SEC14L6: variants seen among roughly 807,000 people sequenced by gnomAD.
SEC14L6 encodes SEC14 like lipid binding 6, also known as SEC14-like protein 6.
A neutral mutation model predicts 54.1 loss-of-function variants in SEC14L6; 40 were observed. That is an observed-to-expected ratio of 0.74 (90% CI 0.57 to 0.96). SEC14L6 has a LOEUF of 0.96. SEC14L6 is among the 40% of genes least tolerant of loss of function. The pLI, the probability that SEC14L6 is intolerant of heterozygous loss-of-function variation, is 0.00. For synonymous variants in SEC14L6, 171 were observed against 198.4 expected (o/e 0.86, Z 1.16); for missense variants, 471 against 498.3 (o/e 0.95, Z 0.52).
At chr22:30,543,440 G>A in intron 1 of SEC14L6, 1 of 1,611,218 alleles carries the variant, frequency 6.2e-7, no homozygotes, top group Admixed American at 1.7e-5. Flanking sequence ...TTGGAGAACG[G>A]CAATGTGTCC....
rs61740907 is a variant in SEC14L6, at chr22:30,543,789, T to G, written c.54+2840A>C. On this transcript the variant is annotated intron_variant, in intron 1 of 11. Coordinates refer to ENST00000402034, the MANE Select transcript of SEC14L6 (RefSeq NM_001193336.4). Reference sequence around the variant, plus strand: ...AGAAAGCCCAGGGCTCCACTTCTTCTACAAGGTTGCATGAACCCGAGAAGA... The same window carrying G: ...AGAAAGCCCAGGGCTCCACTTCTTCGACAAGGTTGCATGAACCCGAGAAGA... 2.6e-4 allele frequency: 398 copies of G among 1,525,052 alleles called. 2 individuals are homozygous for G. The highest frequency in any genetic ancestry group is 4.5e-5 in the Non-Finnish European group (50 of 1,099,200). 94.5% of individuals were successfully genotyped at this position (1,525,052 alleles called of 1,614,324 possible).
intron 2 of SEC14L6, 22 bp from the exon 3 acceptor site, chr22:30,534,061 T>C (rs577229272): frequency 1.3e-6 from 2 of 1,550,656 alleles, no homozygotes; most frequent in African/African-American, 1.4e-5. Context: ...GACAGGGTTA[T>C]GGTTGTGGAA....
At chr22:30,534,479 T>C (rs1267570591) in intron 2 of SEC14L6, among the ~76,000 whole-genome samples, 2 of 151,968 alleles carry the variant, frequency 1.3e-5, no homozygotes, top group African/African-American at 2.4e-5. Flanking sequence ...TGGCATGATC[T>C]TGGCTCACTG....
chr22:30,537,533 C>T (rs745965816), intron 2 of SEC14L6, among the ~76,000 whole-genome samples: 4 of 152,130 alleles, frequency 2.6e-5, no homozygotes, highest in East Asian at 3.8e-4. Flanking sequence ...GTGGGAGTAT[C>T]GCTTGAGCCC....
rs758183805 is a variant in SEC14L6 at position 30,525,683 on chromosome 22, T to G, written c.839A>C (p.His280Pro). 2.7e-5 allele frequency: 44 copies of G among 1,613,388 alleles called. No homozygotes were observed. In the African/African-American group the frequency reaches 5.7e-4, roughly 21 times the overall value. ...LCKQVRLQYE[H>P]TRSVGRGSSL... ...GGAGCCGCGGCCCACGGACCTCGTG[T>G]GCTCATACTGCAGCCTCACCTGCTT... The change falls in exon 10 of 12, where the codon CAC (histidine) becomes CCC (proline). Residue 280 changes from histidine (H) to proline (P), a missense_variant. Coordinates refer to ENST00000402034, the MANE Select transcript of SEC14L6 (RefSeq NM_001193336.4).
rs1382414461 is a variant in SEC14L6, at chr22:30,524,467, C to G, written c.*530G>C. The G allele has an allele frequency of 6.6e-6, 1 of 152,542 alleles. No homozygotes were observed. Among genetic ancestry groups the G allele is most frequent in the Non-Finnish European group, 1.5e-5 (1 of 68,348 alleles). 9.4% of individuals were successfully genotyped at this position (152,542 alleles called of 1,614,324 possible). ...TTCGGCTCACTGCAACCTCTGCCTACCAAGTTCAGGCGACTCTCCTGCCTC... is the reference window on the plus strand; with the variant it reads ...TTCGGCTCACTGCAACCTCTGCCTAGCAAGTTCAGGCGACTCTCCTGCCTC... On this transcript the variant is annotated 3_prime_UTR_variant, in exon 12 of 12. Coordinates refer to ENST00000402034, the MANE Select transcript of SEC14L6 (RefSeq NM_001193336.4).
intron 3 of SEC14L6, chr22:30,533,081 T>C: frequency 1.0e-6 from 1 of 985,320 alleles, no homozygotes; most frequent in Non-Finnish European, 1.2e-6. Context: ...AGGGGAGGCC[T>C]GCACTCTGCA....
Position 30,544,073 on chromosome 22 carries a change from C to T in SEC14L6, c.54+2556G>A, listed in dbSNP as rs562732120. On this transcript the variant is annotated intron_variant, in intron 1 of 11. Coordinates refer to ENST00000402034, the MANE Select transcript of SEC14L6 (RefSeq NM_001193336.4). Reference sequence around the variant, plus strand: ...TCAGAGTATGCCAGCATCCAGGTCCCGAGGAAGTGAATGGGACCGTGGTTT... The same window carrying T: ...TCAGAGTATGCCAGCATCCAGGTCCTGAGGAAGTGAATGGGACCGTGGTTT... The T allele has an allele frequency of 8.7e-5, 131 of 1,504,674 alleles. 1 individual carries two copies. The South Asian group carries it at 1.4e-3, about 16-fold the overall frequency. 93.2% of individuals were successfully genotyped at this position (1,504,674 alleles called of 1,614,324 possible).
intron 1 of SEC14L6, among the ~76,000 whole-genome samples, chr22:30,546,256 G>A (rs977144082): frequency 3.3e-5 from 5 of 151,804 alleles, no homozygotes; most frequent in Admixed American, 1.3e-4. Context: ...GGTAGCAGGT[G>A]CCTGTAATCC....
rs1450482041 is a variant in SEC14L6, at chr22:30,543,306, G to C, written c.54+3323C>G. ...ACTCTTTTCGTGGGACTGCCAACTT[G>C]TCTGAGACTATCCAAGTTCCACCCA... On this transcript the variant is annotated intron_variant, in intron 1 of 11. Transcript: ENST00000402034. The C allele has an allele frequency of 5.7e-6, 9 of 1,575,758 alleles. No individual in the cohort carries two copies. In the Admixed American group the frequency reaches 1.3e-4, roughly 23 times the overall value.
intron 1 of SEC14L6, 92 bp downstream of exon 1, chr22:30,546,537 G>T: frequency 8.2e-7 from 1 of 1,224,308 alleles, no homozygotes; most frequent in Non-Finnish European, 1.2e-6. Flanking sequence ...GAGCTGGAGA[G>T]TTCAGAAGAA....
intron 1 of SEC14L6, 116 bp downstream of exon 1, chr22:30,546,513 T>C (rs553674760): frequency 1.1e-6 from 1 of 912,340 alleles, no homozygotes; most frequent in East Asian, 2.7e-5. Context: ...CCCTCAGGGT[T>C]GGGAAGAGAC....
Position 30,538,817 on chromosome 22 carries a change from C to G in SEC14L6, c.130+10G>C, listed in dbSNP as rs762207906. The G allele has an allele frequency of 1.9e-6, 3 of 1,549,042 alleles. No homozygotes were observed. In the Admixed American group the frequency reaches 5.9e-5, roughly 30 times the overall value. ...ATTGACCCTACCCCAGCCCCACGCT[C>G]TATCCTTACCTTGGAGCCAGCGCAG... is the stretch of plus-strand genomic sequence containing the variant. On this transcript the variant is annotated intron_variant, in intron 2 of 11. Transcript: ENST00000402034.
intron 2 of SEC14L6, among the ~76,000 whole-genome samples, chr22:30,534,326 C>T (rs1343429367): frequency 3.3e-5 from 5 of 152,190 alleles, no homozygotes; most frequent in African/African-American, 1.2e-4. Flanking sequence ...CTGTCAGAAT[C>T]ATAAGGCTGA....
At position 30,525,400 on chromosome 22, in the gene SEC14L6, G is replaced by C; in HGVS notation, c.1031C>G (p.Ala344Gly). Residue 344 changes from alanine to glycine, a missense_variant, in exon 11 of 12, where the codon GCC becomes GGC. Transcript: ENST00000402034. ...AATCCCATCTTCAGGCACCATGTGG[G>C]CATTGTAGCGCTGGCTGGGCAGCAC... ...TEVLPSQRYNAHMVPEDGILT... is the reference protein window; with the variant it reads ...TEVLPSQRYNGHMVPEDGILT... The C allele has an allele frequency of 6.2e-7, 1 of 1,614,182 alleles. No homozygotes were observed. Among genetic ancestry groups the C allele is most frequent in the Non-Finnish European group, 8.5e-7 (1 of 1,180,034 alleles).
intron 2 of SEC14L6, among the ~76,000 whole-genome samples, chr22:30,535,215 G>A (rs918636906): frequency 6.6e-6 from 1 of 152,144 alleles, no homozygotes; most frequent in South Asian, 2.1e-4. Flanking sequence ...TAAACAAATG[G>A]GAGTGAGGTC....
chr22:30,532,936 G>A (rs1937034100), intron 3 of SEC14L6, 80 bp from the exon 4 acceptor site: 8 of 1,563,742 alleles, frequency 5.1e-6, no homozygotes, highest in Non-Finnish European at 6.9e-6. Flanking sequence ...ACCAGGCCAG[G>A]TCCCTCTGCC....
At chr22:30,544,716 C>G (rs2085780991) in intron 1 of SEC14L6, among the ~76,000 whole-genome samples, 1 of 152,126 alleles carries the variant, frequency 6.6e-6, no homozygotes, top group African/African-American at 2.4e-5. Flanking sequence ...TCCTCAGGTC[C>G]CTCCAAGACT....
chr22:30,539,361 G>A (rs1235641063), intron 1 of SEC14L6, among the ~76,000 whole-genome samples: 1 of 152,184 alleles, frequency 6.6e-6, no homozygotes, highest in Non-Finnish European at 1.5e-5. Context: ...TGGGGGACAA[G>A]AGTGAGACTT....
Sources: allele counts gnomAD v4.1 joint callset (sites outside exome capture counted in the v4.1 genomes callset), GRCh38; gene constraint gnomAD v4.1.1; transcripts MANE v1.5; gene names NCBI Gene and HGNC (gene_info 2026-07-23, HGNC 2026-07-21).